The following SDK1 variants were observed in gnomAD, a reference collection of about 807,000 sequenced individuals.
The protein encoded by SDK1 is protein sidekick-1.
Under a neutral mutation model 245.5 loss-of-function variants are expected in SDK1, and 157 were observed. The observed-to-expected ratio is 0.64, with a 90% CI of 0.56 to 0.73. The LOEUF (loss-of-function observed/expected upper bound fraction) is 0.73. Ranked by LOEUF, SDK1 falls within the 30% of genes least tolerant of loss-of-function variation. The pLI is 0.00. For synonymous variants in SDK1, 1,647 were observed against 1,278.5 expected (o/e 1.29, Z -6.15); for missense variants, 3,583 against 3,002.3 (o/e 1.19, Z -4.52).
chr7:3,759,678 A>G (rs575696809), intron 4 of SDK1, among the ~76,000 whole-genome samples: 39 of 150,718 alleles, frequency 2.6e-4, no homozygotes, highest in South Asian at 1.7e-3. Context: ...TGCAACCTCC[A>G]CCTCCCGGGT....
In SDK1 at chr7:3,630,339, T is replaced by A. The variant is rs149595370; in HGVS notation, c.459-8665T>A. ...AAAACTGTATTTTCAAGTTACATGA[T>A]CATTTATGTAGAAAATATATACTTT... On this transcript the variant is annotated intron_variant, in intron 2 of 44. Transcript: ENST00000404826. Among the ~76,000 whole-genome samples, 557 of 152,356 alleles carry A rather than the reference T, an allele frequency of 3.7e-3. 5 individuals carry two copies. The highest frequency in any genetic ancestry group is 0.013 in the African/African-American group (524 of 41,580).
intron 4 of SDK1, among the ~76,000 whole-genome samples, chr7:3,741,854 G>T (rs1281831069): frequency 6.6e-6 from 1 of 152,088 alleles, no homozygotes; most frequent in Non-Finnish European, 1.5e-5. Context: ...ATATACGTGT[G>T]TGTGGACCTA....
Position 3,582,683 on chromosome 7 carries a change from T to TAAAAAAAAA in SDK1, c.299-36379_299-36371dup, listed in dbSNP as rs71029682. 1.1e-4 allele frequency among the ~76,000 whole-genome samples: 8 copies of TAAAAAAAAA among 69,672 alleles called. 1 individual carries two copies. The highest frequency in any genetic ancestry group is 2.3e-4 in the African/African-American group (4 of 17,686). 45.7% of individuals were successfully genotyped at this position (69,672 alleles called of 152,430 possible). ...ATGTAGCCCTGAACCTAAACTAAAG[T>TAAAAAAAAA]AAAAAAAAAAAAAAAAAAAAAAAAA... On this transcript the variant is annotated intron_variant, in intron 1 of 44. Transcript: ENST00000404826.
At chr7:3,732,268 T>C (rs2115042120) in intron 4 of SDK1, among the ~76,000 whole-genome samples, 1 of 152,328 alleles carries the variant, frequency 6.6e-6, no homozygotes, top group Non-Finnish European at 1.5e-5. Context: ...TTTCAAATTG[T>C]TGTGATGAAA....
At chr7:3,649,223 G>A (rs1782935955) in intron 4 of SDK1, among the ~76,000 whole-genome samples, 1 of 152,182 alleles carries the variant, frequency 6.6e-6, no homozygotes, top group South Asian at 2.1e-4. Context: ...CTAAGCTGGA[G>A]GGGGTTGAAT....
intron 16 of SDK1, among the ~76,000 whole-genome samples, chr7:4,014,832 CCTT>C (rs551006911): frequency 3.3e-4 from 51 of 152,322 alleles, no homozygotes; most frequent in African/African-American, 1.2e-3. Flanking sequence ...TTGACTGTGA[CCTT>C]CTTAGACATC....
intron 4 of SDK1, among the ~76,000 whole-genome samples, chr7:3,647,575 C>T (rs914697050): frequency 5.9e-5 from 9 of 152,078 alleles, no homozygotes; most frequent in African/African-American, 9.7e-5. Context: ...TACAGGCGTG[C>T]GCCACTATGC....
intron 1 of SDK1, among the ~76,000 whole-genome samples, chr7:3,357,162 CTCTT>C (rs1374040264): frequency 1.3e-5 from 2 of 149,960 alleles, no homozygotes; most frequent in South Asian, 2.1e-4. Context: ...CTTGAAGTAT[CTCTT>C]TCTTTTCCTT....
At chr7:4,201,223 G>A (rs1014282396) in intron 35 of SDK1, among the ~76,000 whole-genome samples, 8 of 152,310 alleles carry the variant, frequency 5.3e-5, no homozygotes, top group African/African-American at 1.9e-4. Context: ...GTAGAAGCAG[G>A]GTGATCCCTT....
chr7:3,589,271 C>T (rs1052870078), intron 1 of SDK1, among the ~76,000 whole-genome samples: 4 of 152,002 alleles, frequency 2.6e-5, no homozygotes, highest in Non-Finnish European at 4.4e-5. Flanking sequence ...GGCCTTTTGA[C>T]GTCAGTACTG....
chr7:4,249,594 A>G (rs914582272), intron 44 of SDK1, among the ~76,000 whole-genome samples: 1 of 152,166 alleles, frequency 6.6e-6, no homozygotes, highest in Non-Finnish European at 1.5e-5. Flanking sequence ...CCCACCAGCT[A>G]GCATCCCATA....
At chr7:3,618,956 G>A in intron 1 of SDK1, 124 bp from the exon 2 acceptor site, 1 of 747,160 alleles carries the variant, frequency 1.3e-6, no homozygotes, top group Non-Finnish European at 2.1e-6. Flanking sequence ...TTCTTAATTG[G>A]GCCAAACAGC....
chr7:3,374,803 T>G (rs534685353), intron 1 of SDK1, among the ~76,000 whole-genome samples: 3 of 152,300 alleles, frequency 2.0e-5, no homozygotes, highest in Admixed American at 6.5e-5. Flanking sequence ...TTTTTAAAAT[T>G]TTTCAGAATT....
chr7:4,036,414 A>T (rs1174524740), intron 17 of SDK1, among the ~76,000 whole-genome samples: 1 of 152,246 alleles, frequency 6.6e-6, no homozygotes, highest in Non-Finnish European at 1.5e-5. Context: ...GCATTTCTGT[A>T]GACCTACATG....
intron 1 of SDK1, among the ~76,000 whole-genome samples, chr7:3,447,699 C>CTTTTTTTTT (rs56137514): frequency 1.1e-5 from 1 of 89,552 alleles, no homozygotes; most frequent in Non-Finnish European, 2.1e-5. Flanking sequence ...GCTTATATAT[C>CTTTTTTTTT]TTTTTTTTTT....
At chr7:3,495,819 G>A (rs763948292) in intron 1 of SDK1, among the ~76,000 whole-genome samples, 2 of 152,160 alleles carry the variant, frequency 1.3e-5, no homozygotes, top group Non-Finnish European at 2.9e-5. Context: ...AGCTGGTCCC[G>A]TGGCCTGGGT....
intron 4 of SDK1, among the ~76,000 whole-genome samples, chr7:3,780,129 A>G (rs1021399571): frequency 6.6e-6 from 1 of 152,178 alleles, no homozygotes; most frequent in African/African-American, 2.4e-5. Flanking sequence ...GATCTGCATA[A>G]TTCAATGAAA....
At position 3,311,960 on chromosome 7, in the gene SDK1, A is replaced by C. The variant is rs367698129; in HGVS notation, c.298+10076A>C. Among the ~76,000 whole-genome samples the C allele has an allele frequency of 1.6e-4, 24 of 152,292 alleles. No homozygotes were observed. In the East Asian group the frequency reaches 3.9e-3, roughly 25 times the overall value. ...GTAGGAGGCATGGCCTTGGGTCTGC[A>C]TAGACTTGGAAGGTGGAGTAAAGGT... On this transcript the variant is annotated intron_variant, in intron 1 of 44. Coordinates refer to ENST00000404826, the MANE Select transcript of SDK1 (RefSeq NM_152744.4).
chr7:3,603,741 G>C (rs1175551436), intron 1 of SDK1, among the ~76,000 whole-genome samples: 1 of 152,218 alleles, frequency 6.6e-6, no homozygotes, highest in African/African-American at 2.4e-5. Flanking sequence ...TGCTGAGAGA[G>C]GGCATCCCTG....
Sources: allele counts gnomAD v4.1 joint callset (sites outside exome capture counted in the v4.1 genomes callset), GRCh38; gene constraint gnomAD v4.1.1; transcripts MANE v1.5; gene names NCBI Gene and HGNC (gene_info 2026-07-23, HGNC 2026-07-21).